The following BMAL2 variants were observed in gnomAD, a reference collection of about 807,000 sequenced individuals.
BMAL2 encodes basic helix-loop-helix ARNT like 2, also known as basic helix-loop-helix ARNT-like protein 2.
At chr12:27,341,592 A>C in the BMAL2 span, among the ~76,000 whole-genome samples, 1 of 152,230 alleles carries the variant, frequency 6.6e-6, no homozygotes, top group Non-Finnish European at 1.5e-5. Context: ...TTTCCGTGAC[A>C]GCCTATTGGG....
the BMAL2 span, among the ~76,000 whole-genome samples, chr12:27,347,409 TACAC>T: frequency 1.3e-5 from 2 of 152,226 alleles, no homozygotes; most frequent in Admixed American, 1.3e-4. Context: ...AACTCCAGGA[TACAC>T]AGGAGGATCT....
chr12:27,339,548 T>C, the BMAL2 span, among the ~76,000 whole-genome samples: 1 of 152,236 alleles, frequency 6.6e-6, no homozygotes, highest in Admixed American at 6.5e-5. Flanking sequence ...TCCACAATGG[T>C]TGAACTAATT....
At chr12:27,333,573 G>A in the BMAL2 span, among the ~76,000 whole-genome samples, 1 of 152,250 alleles carries the variant, frequency 6.6e-6, no homozygotes, top group Non-Finnish European at 1.5e-5. Flanking sequence ...CGGTTCCTGT[G>A]AACCCCTCCC....
At chr12:27,337,036 G>A in the BMAL2 span, among the ~76,000 whole-genome samples, 1 of 151,092 alleles carries the variant, frequency 6.6e-6, no homozygotes, top group Non-Finnish European at 1.5e-5. Context: ...ATTCTCACCT[G>A]AAAATACTTA....
chr12:27,344,665 T>G, the BMAL2 span, among the ~76,000 whole-genome samples: 3 of 152,192 alleles, frequency 2.0e-5, no homozygotes, highest in Non-Finnish European at 4.4e-5. Flanking sequence ...CTCTCTCACT[T>G]GAGGTCAACT....
chr12:27,424,283 C>T, the BMAL2 span: 2 of 152,244 alleles, frequency 1.3e-5, no homozygotes, highest in South Asian at 4.1e-4. Context: ...ATTTATTGAT[C>T]CTTGAATCTG....
the BMAL2 span, among the ~76,000 whole-genome samples, chr12:27,366,452 A>G: frequency 2.0e-5 from 3 of 152,172 alleles, no homozygotes; most frequent in Non-Finnish European, 2.9e-5. Flanking sequence ...CCTTGTAAAT[A>G]TTGTTATATA....
the BMAL2 span, chr12:27,401,627 T>C: frequency 6.2e-7 from 1 of 1,611,344 alleles, no homozygotes. Flanking sequence ...TCACAAATCC[T>C]TGGACAAAAG....
chr12:27,390,055 A>G, the BMAL2 span: 3 of 1,597,262 alleles, frequency 1.9e-6, no homozygotes, highest in Non-Finnish European at 8.5e-7. Context: ...ATTTGACAAT[A>G]TTCTTTTCCA....
the BMAL2 span, among the ~76,000 whole-genome samples, chr12:27,377,762 C>G: frequency 1.3e-5 from 2 of 152,098 alleles, no homozygotes; most frequent in African/African-American, 4.8e-5. Flanking sequence ...AGAAAAAAAT[C>G]TAATTGCTCA....
At chr12:27,400,735 G>T in the BMAL2 span, 1 of 1,611,796 alleles carries the variant, frequency 6.2e-7, no homozygotes, top group Non-Finnish European at 8.5e-7. Flanking sequence ...TTTATAACCC[G>T]GTTTGCAGTG....
At chr12:27,403,442 G>C in the BMAL2 span, 91 of 1,597,940 alleles carry the variant, frequency 5.7e-5, 2 homozygotes, top group South Asian at 1.0e-3. Context: ...GAATCCTCTA[G>C]ACAGTCCTGT....
chr12:27,399,654 A>C, the BMAL2 span, among the ~76,000 whole-genome samples: 39 of 152,376 alleles, frequency 2.6e-4, no homozygotes, highest in African/African-American at 8.9e-4. Flanking sequence ...GATTTATTGT[A>C]ATGGAACTTT....
At chr12:27,365,721 AT>A in the BMAL2 span, among the ~76,000 whole-genome samples, 9 of 149,038 alleles carry the variant, frequency 6.0e-5, no homozygotes, top group Non-Finnish European at 8.9e-5. Flanking sequence ...ATGACCCCAA[AT>A]TTTTTTTTTG....
chr12:27,404,793 C>T, the BMAL2 span, among the ~76,000 whole-genome samples: 3 of 152,152 alleles, frequency 2.0e-5, no homozygotes, highest in Non-Finnish European at 4.4e-5. Context: ...TGAGCCGAAG[C>T]AGGGTGAGGC....
the BMAL2 span, among the ~76,000 whole-genome samples, chr12:27,334,115 G>T: frequency 0.043 from 6,521 of 152,230 alleles, 159 homozygotes; most frequent in Non-Finnish European, 0.061. Flanking sequence ...ATATAATTGT[G>T]GGAATTTACA....
chr12:27,343,042 A>G, the BMAL2 span, among the ~76,000 whole-genome samples: 3 of 152,246 alleles, frequency 2.0e-5, no homozygotes, highest in African/African-American at 4.8e-5. Context: ...ATTTAGCAAA[A>G]GGTTTAGAAA....
chr12:27,422,077 A>G, the BMAL2 span: 1 of 152,178 alleles, frequency 6.6e-6, no homozygotes, highest in Non-Finnish European at 1.5e-5. Context: ...ATTAATCCAG[A>G]GGTGGCTCAA....
the BMAL2 span, chr12:27,420,625 T>A: frequency 2.3e-6 from 3 of 1,318,358 alleles, no homozygotes; most frequent in South Asian, 3.5e-5. Flanking sequence ...GTATTGATAT[T>A]GTTTGTATCT....
Sources: allele counts gnomAD v4.1 joint callset (sites outside exome capture counted in the v4.1 genomes callset), GRCh38; gene constraint gnomAD v4.1.1; transcripts MANE v1.5; gene names NCBI Gene and HGNC (gene_info 2026-07-23, HGNC 2026-07-21).